The following MLLT3 variants were observed in gnomAD, a reference collection of about 807,000 sequenced individuals.
MLLT3 encodes MLLT3 super elongation complex subunit.
Under a neutral mutation model 53.2 loss-of-function variants are expected in MLLT3, and 4 were observed. The ratio of observed to expected loss-of-function variants is 0.08; its 90% confidence interval spans 0.04 to 0.17. The LOEUF (loss-of-function observed/expected upper bound fraction) is 0.17, where lower values mean the gene tolerates loss of function less well. Ranked by LOEUF, MLLT3 falls within the 10% of genes least tolerant of loss-of-function variation. MLLT3 has a pLI of 1.00. For synonymous variants in MLLT3, 283 were observed against 230.6 expected (o/e 1.23, Z -2.06); for missense variants, 569 against 684.0 (o/e 0.83, Z 1.87).
intron 2 of MLLT3, among the ~76,000 whole-genome samples, chr9:20,556,224 C>T (rs1461339124): frequency 6.6e-6 from 1 of 152,132 alleles, no homozygotes; most frequent in Non-Finnish European, 1.5e-5. Flanking sequence ...TTTTGATCAA[C>T]TCCATTCCAC....
chr9:20,590,138 C>T (rs1345372597), intron 2 of MLLT3, among the ~76,000 whole-genome samples: 3 of 152,100 alleles, frequency 2.0e-5, no homozygotes, highest in Non-Finnish European at 4.4e-5. Context: ...TTCCTTTCAC[C>T]AACCACTCTA....
intron 2 of MLLT3, among the ~76,000 whole-genome samples, chr9:20,506,098 A>C (rs2118951330): frequency 6.7e-6 from 1 of 148,442 alleles, no homozygotes; most frequent in Non-Finnish European, 1.5e-5. Flanking sequence ...TTTGAGATGT[A>C]GTCTCCAGTG....
chr9:20,374,572 C>T (rs1821704612), intron 5 of MLLT3, among the ~76,000 whole-genome samples: 1 of 152,106 alleles, frequency 6.6e-6, no homozygotes, highest in Non-Finnish European at 1.5e-5. Context: ...TTATGTTAAC[C>T]TAACAATCTA....
At chr9:20,500,798 T>C (rs538504435) in intron 2 of MLLT3, among the ~76,000 whole-genome samples, 1 of 152,322 alleles carries the variant, frequency 6.6e-6, no homozygotes, top group Admixed American at 6.5e-5. Flanking sequence ...AGAAGTTACT[T>C]ACCACAGGTC....
intron 2 of MLLT3, among the ~76,000 whole-genome samples, chr9:20,550,861 A>C (rs562647247): frequency 1.3e-5 from 2 of 152,250 alleles, no homozygotes; most frequent in African/African-American, 4.8e-5. Flanking sequence ...GGGCTCAAGC[A>C]ATCCTCCCAC....
At chr9:20,457,692 C>T (rs993181890) in intron 2 of MLLT3, among the ~76,000 whole-genome samples, 1 of 152,256 alleles carries the variant, frequency 6.6e-6, no homozygotes, top group South Asian at 2.1e-4. Flanking sequence ...CACTTAAGAT[C>T]TAATCACATC....
At chr9:20,555,971 A>G (rs184644876) in intron 2 of MLLT3, among the ~76,000 whole-genome samples, 1 of 152,236 alleles carries the variant, frequency 6.6e-6, no homozygotes. Flanking sequence ...GAAAAACTCC[A>G]AACAATTGAC....
chr9:20,556,717 G>A (rs1230294451), intron 2 of MLLT3, among the ~76,000 whole-genome samples: 1 of 151,832 alleles, frequency 6.6e-6, no homozygotes, highest in Non-Finnish European at 1.5e-5. Context: ...AGTTGGGGGA[G>A]AAATAAGATA....
chr9:20,472,802 A>G (rs969469708), intron 2 of MLLT3, among the ~76,000 whole-genome samples: 2 of 152,028 alleles, frequency 1.3e-5, no homozygotes, highest in Non-Finnish European at 2.9e-5. Flanking sequence ...TCAGCAATGT[A>G]ATTGCAATTC....
At chr9:20,482,945 C>A (rs1049717709) in intron 2 of MLLT3, among the ~76,000 whole-genome samples, 1 of 152,164 alleles carries the variant, frequency 6.6e-6, no homozygotes, top group South Asian at 2.1e-4. Context: ...CTTCCACCCT[C>A]TTGTCCTAGC....
intron 8 of MLLT3, among the ~76,000 whole-genome samples, chr9:20,360,026 T>C (rs1415112077): frequency 6.6e-6 from 1 of 152,232 alleles, no homozygotes; most frequent in Non-Finnish European, 1.5e-5. Flanking sequence ...TGCCTAGATC[T>C]TATCCAAATA....
At chr9:20,599,486 A>G (rs1160464820) in intron 2 of MLLT3, among the ~76,000 whole-genome samples, 2 of 150,910 alleles carry the variant, frequency 1.3e-5, no homozygotes, top group Non-Finnish European at 3.0e-5. Context: ...GTAGCATGAA[A>G]CCTCTCATGT....
intron 2 of MLLT3, among the ~76,000 whole-genome samples, chr9:20,473,659 A>G (rs7030726): frequency 1.6e-4 from 25 of 151,760 alleles, no homozygotes; most frequent in Non-Finnish European, 2.9e-4. Context: ...ATACTCAAAC[A>G]TTTCCCATAA....
Position 20,345,895 on chromosome 9 carries a change from A to T in MLLT3, c.*548T>A, listed in dbSNP as rs759151828. 2 of 230,542 alleles carry T rather than the reference A, an allele frequency of 8.7e-6. No individual in the cohort carries two copies. Among genetic ancestry groups the T allele is most frequent in the Admixed American group, 5.7e-5 (1 of 17,686 alleles). The allele number at this position is 230,542 out of a possible 1,614,324, so 14.3% of individuals were successfully genotyped here. On this transcript the variant is annotated 3_prime_UTR_variant, in exon 11 of 11. Transcript: ENST00000380338. ...AAAGGACTTGGAAAAAGTTGGTGGA[A>T]AGTGGCACGGTATACGAGTAAGGTC...
rs925280508 is a variant in MLLT3 at position 20,448,028 on chromosome 9, T to A, written c.420+95A>T. The A allele has an allele frequency of 1.4e-6, 2 of 1,387,730 alleles. No homozygotes were observed. The highest frequency in any genetic ancestry group is 2.0e-6 in the Non-Finnish European group (2 of 1,019,480). 86.0% of individuals were successfully genotyped at this position (1,387,730 alleles called of 1,614,324 possible). A position where few individuals can be genotyped will look rare whatever the true frequency, so the allele number is the denominator to read the frequency against. On this transcript the variant is annotated intron_variant, in intron 4 of 10. Coordinates refer to ENST00000380338, the MANE Select transcript of MLLT3 (RefSeq NM_004529.4). The surrounding 1 kb of genome is among the most constrained non-coding windows in gnomAD (Gnocchi z 4.0). ...TTCTTTTACCTCTCCCAAAACCTTA[T>A]ACTTTTTAACACATGAGGAACTAGT...
chr9:20,533,181 G>T, intron 2 of MLLT3: 1 of 282,204 alleles, frequency 3.5e-6, no homozygotes, highest in Non-Finnish European at 7.0e-6. Context: ...AGGTTAACTT[G>T]GAAGGCAAAG....
At chr9:20,571,541 T>C (rs1186107818) in intron 2 of MLLT3, among the ~76,000 whole-genome samples, 1 of 152,158 alleles carries the variant, frequency 6.6e-6, no homozygotes, top group Non-Finnish European at 1.5e-5. Context: ...GCTGCACCCA[T>C]CAACCCATCT....
At chr9:20,599,586 C>A (rs182809854) in intron 2 of MLLT3, among the ~76,000 whole-genome samples, 12 of 152,116 alleles carry the variant, frequency 7.9e-5, no homozygotes, top group Admixed American at 3.9e-4. Flanking sequence ...ATTAGACCAA[C>A]CTAAAAGTAG....
chr9:20,507,888 T>C (rs1825425372), intron 2 of MLLT3, among the ~76,000 whole-genome samples: 2 of 151,982 alleles, frequency 1.3e-5, no homozygotes, highest in African/African-American at 4.8e-5. Context: ...AAATAAAGTA[T>C]GCCTAAAATC....
Sources: allele counts gnomAD v4.1 joint callset (sites outside exome capture counted in the v4.1 genomes callset), GRCh38; gene constraint gnomAD v4.1.1; non-coding constraint Gnocchi (gnomAD v3.1); transcripts MANE v1.5; gene names NCBI Gene and HGNC (gene_info 2026-07-23, HGNC 2026-07-21).